Variants in MYO7B observed in about 807,000 individuals in gnomAD.
MYO7B encodes the protein myosin VIIB.
In MYO7B, 212 loss-of-function variants were observed where a neutral mutation model predicts 259.7. That is an observed-to-expected ratio of 0.82 (90% CI 0.73 to 0.91). MYO7B has a LOEUF of 0.91. MYO7B is among the 40% of genes least tolerant of loss of function. MYO7B has a pLI of 0.00. For missense variants in MYO7B, 2,732 were observed against 2,813.5 expected, an observed-to-expected ratio of 0.97 and a Z score of 0.66; for synonymous variants, 1,197 against 1,166.4, an observed-to-expected ratio of 1.03 and a Z score of -0.54.
At chr2:127,562,482 G>GTTT (rs56290548) in intron 2 of MYO7B, among the ~76,000 whole-genome samples, 5,568 of 61,188 alleles carry the variant, frequency 0.091, 426 homozygotes, top group South Asian at 0.21. Flanking sequence ...GGGTTTTATT[G>GTTT]TTTTTTTTTT....
At position 127,628,396 on chromosome 2, in the gene MYO7B, G is replaced by C. The variant is rs1681269547; in HGVS notation, c.4485G>C (p.Leu1495=). 7 of 1,601,174 alleles carry C rather than the reference G, an allele frequency of 4.4e-6. No individual in the cohort carries two copies. The highest frequency in any genetic ancestry group is 6.0e-6 in the Non-Finnish European group (7 of 1,175,998). ...TNREAQGGQR[L]LLSTMHEEYE... ...GGGAGGCCCAGGGCGGGCAGAGGCT[G>C]CTGCTCTCCACGATGCATGAGGAGT... Residue 1495 remains leucine (L), a synonymous_variant, in exon 34 of 48, where the codon CTG becomes CTC. Transcript: ENST00000409816. This position sits in a 1 kb window ranked among gnomAD's most constrained non-coding sequence, Gnocchi z 4.8.
At chr2:127,570,584 G>A (rs769449107) in intron 6 of MYO7B, among the ~76,000 whole-genome samples, 2 of 152,174 alleles carry the variant, frequency 1.3e-5, no homozygotes, top group Non-Finnish European at 2.9e-5. Flanking sequence ...AGTCTCTCTC[G>A]TTTCTTTACA....
At chr2:127,565,413 G>T in intron 4 of MYO7B, 28 bp downstream of exon 4, 1 of 1,610,380 alleles carries the variant, frequency 6.2e-7, no homozygotes, top group Non-Finnish European at 8.5e-7. Flanking sequence ...TGTGTCCACA[G>T]GGGAGCCCCT....
chr2:127,635,838 C>G lies in MYO7B; in HGVS notation c.5937C>G (p.Val1979=). The change falls in exon 44 of 48, where the codon GTC becomes GTG. Residue 1979 remains valine (V), a synonymous_variant. Transcript: ENST00000409816. ...ACGACCGGTCCCAGCTGGCTAGTGTCCCCAAGATCCTGAGGGAACTGGTGC... is the reference window on the plus strand; with the variant it reads ...ACGACCGGTCCCAGCTGGCTAGTGTGCCCAAGATCCTGAGGGAACTGGTGC... The part of the protein sequence containing the change: ...FNNDRSQLAS[V]PKILRELVPE... 1 of 1,584,526 alleles carries G rather than the reference C, an allele frequency of 6.3e-7. No homozygotes were observed. Among genetic ancestry groups the G allele is most frequent in the East Asian group, 2.3e-5 (1 of 43,008 alleles).
chr2:127,545,467 T>C (rs1185869090), intron 1 of MYO7B, among the ~76,000 whole-genome samples: 1 of 152,154 alleles, frequency 6.6e-6, no homozygotes, highest in Non-Finnish European at 1.5e-5. Context: ...TTGGGGGACA[T>C]TGGGAAGTTA....
Position 127,636,832 on chromosome 2 carries a change from C to T in MYO7B, c.6246C>T (p.Ser2082=), listed in dbSNP as rs773763106. 3.7e-6 allele frequency: 6 copies of T among 1,613,696 alleles called. No individual in the cohort carries two copies. The Admixed American group carries it at 1.0e-4, about 27-fold the overall frequency. The change falls in exon 47 of 48, where the codon AGC becomes AGT. Residue 2082 remains serine (S), a synonymous_variant. Transcript: ENST00000409816. This position sits in a 1 kb window ranked among gnomAD's most constrained non-coding sequence, Gnocchi z 4.5. The part of the protein sequence containing the change: ...LTTYPFTKIS[S]WSSGSTYFHM... ...CCTATCCCTTCACCAAGATCTCCAG[C>T]TGGAGCAGCGGCAGCACCTACTTCC...
At chr2:127,564,805 T>C (rs553866467) in intron 3 of MYO7B, among the ~76,000 whole-genome samples, 11 of 152,342 alleles carry the variant, frequency 7.2e-5, no homozygotes, top group African/African-American at 2.4e-4. Context: ...TTCCAGATGA[T>C]GGAAGTCAGT....
In MYO7B at chr2:127,584,977, A is replaced by G; in HGVS notation, c.1690+64A>G. On this transcript the variant is annotated intron_variant, in intron 14 of 47. Transcript: ENST00000409816. The surrounding 1 kb of genome is among the most constrained non-coding windows in gnomAD (Gnocchi z 5.8). ...GACCGGGTTCCAGGGAGACCGTGGA[A>G]AGCAGGCTCAGAGGATGAGGCTATT... 6.3e-7 allele frequency: 1 copy of G among 1,590,426 alleles called. No individual in the cohort carries two copies.
At chr2:127,612,386 A>G (rs1680419705) in intron 25 of MYO7B, 59 bp downstream of exon 25, 3 of 1,527,256 alleles carry the variant, frequency 2.0e-6, no homozygotes, top group Non-Finnish European at 2.7e-6. Flanking sequence ...ACAGGGTTCC[A>G]GTCTATTGCT....
intron 1 of MYO7B, among the ~76,000 whole-genome samples, chr2:127,544,575 A>ATTTTTTTTTTTTTT (rs35578661): frequency 9.7e-6 from 1 of 103,150 alleles, no homozygotes; most frequent in African/African-American, 3.9e-5. Context: ...CGTCTGGCTA[A>ATTTTTTTTTTTTTT]TTTTTTTTTT....
chr2:127,629,185 G>A (rs1681327141), intron 34 of MYO7B, among the ~76,000 whole-genome samples: 1 of 152,238 alleles, frequency 6.6e-6, no homozygotes, highest in Admixed American at 6.5e-5. Context: ...TCTTTGGGCA[G>A]TGAGAAATGT....
chr2:127,564,454 T>G (rs1316439079), intron 3 of MYO7B, among the ~76,000 whole-genome samples, 188 bp downstream of exon 3: 2 of 151,980 alleles, frequency 1.3e-5, no homozygotes, highest in Admixed American at 1.3e-4. Flanking sequence ...TGGGGAACGT[T>G]TCAAGAAGGA....
rs904930402 is a variant in MYO7B at position 127,546,020 on chromosome 2, G to C, written c.-24+10189G>C. Among the ~76,000 whole-genome samples, 1 of 152,216 alleles carries C rather than the reference G, an allele frequency of 6.6e-6. No homozygotes were observed. Among genetic ancestry groups the C allele is most frequent in the Admixed American group, 6.5e-5 (1 of 15,282 alleles). On this transcript the variant is annotated intron_variant, in intron 1 of 47. Coordinates refer to ENST00000409816, the MANE Select transcript of MYO7B (RefSeq NM_001393586.1). The surrounding 1 kb of genome is among the most constrained non-coding windows in gnomAD (Gnocchi z 4.2). Reference sequence around the variant, plus strand: ...GGCCCTTCCAACCTGTGTTCTTCTTGAGTGATGGCTTCCATGCCAGGTACT... The same window carrying C: ...GGCCCTTCCAACCTGTGTTCTTCTTCAGTGATGGCTTCCATGCCAGGTACT...
intron 39 of MYO7B, among the ~76,000 whole-genome samples, 171 bp downstream of exon 39, chr2:127,632,572 G>T (rs1681582464): frequency 6.6e-6 from 1 of 152,196 alleles, no homozygotes. Context: ...GAGGGTGGAG[G>T]GTGAGGCCCA....
chr2:127,608,861 G>T lies in MYO7B; in HGVS notation c.2797G>T (p.Ala933Ser), dbSNP rs1386455661. Residue 933 changes from alanine to serine, a missense_variant, in exon 22 of 48, where the codon GCC becomes TCC. Physicochemically the swap from Ala to Ser is moderately conservative, Grantham distance 99. This residue lies in a region of MYO7B where 1,906 missense variants were observed against 2,026.4 expected (regional missense o/e 0.94). Coordinates refer to ENST00000409816, the MANE Select transcript of MYO7B (RefSeq NM_001393586.1). ...PAMIGGQEGQ[A>S]SPHFEDLESK... ...CATGATTGGGGGCCAGGAGGGCCAG[G>T]CCTCGCCGCACTTTGAGGTAACACA... The T allele has an allele frequency of 1.2e-6, 2 of 1,612,946 alleles. No individual in the cohort carries two copies. Among genetic ancestry groups the T allele is most frequent in the East Asian group, 2.2e-5 (1 of 44,866 alleles).
rs571841136 is a variant in MYO7B at position 127,590,656 on chromosome 2, C to T, written c.1992+427C>T. Among the ~76,000 whole-genome samples the T allele has an allele frequency of 1.3e-5, 2 of 152,344 alleles. No individual in the cohort carries two copies. The highest frequency in any genetic ancestry group is 1.3e-4 in the Admixed American group (2 of 15,314). ...CTTTAGAGGCTGACACCACTCCTTT[C>T]ACCAGCCCTGCAGACAGTCAGCTTT... On this transcript the variant is annotated intron_variant, in intron 16 of 47. Transcript: ENST00000409816. This position sits in a 1 kb window ranked among gnomAD's most constrained non-coding sequence, Gnocchi z 4.6.
In MYO7B at chr2:127,566,632, T is replaced by G; in HGVS notation, c.286-11T>G. 1 of 1,565,900 alleles carries G rather than the reference T, an allele frequency of 6.4e-7. No individual in the cohort carries two copies. Among genetic ancestry groups the G allele is most frequent in the Non-Finnish European group, 8.6e-7 (1 of 1,157,006 alleles). ...GGGGCAGAGGGCACTGACCACCTGC[T>G]TCCTTCCCAGACATACACAGGCTCC... On this transcript the variant is annotated splice_polypyrimidine_tract_variant and intron_variant, in intron 4 of 47. Coordinates refer to ENST00000409816, the MANE Select transcript of MYO7B (RefSeq NM_001393586.1).
At chr2:127,570,407 C>T (rs148882109) in intron 6 of MYO7B, among the ~76,000 whole-genome samples, 1 of 152,310 alleles carries the variant, frequency 6.6e-6, no homozygotes, top group East Asian at 1.9e-4. Context: ...GAGAGGCTCA[C>T]GCTGTGATCC....
At chr2:127,547,153 G>A (rs1042437232) in intron 1 of MYO7B, among the ~76,000 whole-genome samples, 5 of 151,776 alleles carry the variant, frequency 3.3e-5, no homozygotes, top group African/African-American at 4.8e-5. Context: ...TCCACCTACC[G>A]ACTCATCCAT....
Sources: allele counts gnomAD v4.1 joint callset (sites outside exome capture counted in the v4.1 genomes callset), GRCh38; gene constraint gnomAD v4.1.1; regional missense constraint gnomAD v4.1.1; non-coding constraint Gnocchi (gnomAD v3.1); transcripts MANE v1.5; gene names NCBI Gene and HGNC (gene_info 2026-07-23, HGNC 2026-07-21).